The following FGFR2 variants were observed in gnomAD, a reference collection of about 807,000 sequenced individuals.
FGFR2 encodes the protein fibroblast growth factor receptor 2.
A neutral mutation model predicts 95.9 loss-of-function variants in FGFR2; 19 were observed. That is an observed-to-expected ratio of 0.20 (90% confidence interval 0.14 to 0.29). The LOEUF is 0.29. Among genes scored for constraint, FGFR2 ranks in the 10% least tolerant of loss-of-function variants. FGFR2 has a pLI of 1.00. For synonymous variants in FGFR2, 392 were observed against 393.3 expected (o/e 1.00, Z 0.04); for missense variants, 707 against 1,056.9 (o/e 0.67, Z 4.59).
chr10:121,525,930 T>C (rs1431091118), intron 6 of FGFR2, among the ~76,000 whole-genome samples: 2 of 152,084 alleles, frequency 1.3e-5, no homozygotes, highest in Admixed American at 6.5e-5. Flanking sequence ...CAGCTCACAC[T>C]GGTCTCCTGA....
intron 5 of FGFR2, among the ~76,000 whole-genome samples, chr10:121,541,879 A>AT (rs1449812049): frequency 4.6e-5 from 7 of 152,062 alleles, no homozygotes; most frequent in Non-Finnish European, 1.0e-4. Flanking sequence ...AGCAGCACAC[A>AT]TTTTTTTTGA....
chr10:121,495,204 G>C (rs1846625975), intron 13 of FGFR2, among the ~76,000 whole-genome samples: 2 of 152,084 alleles, frequency 1.3e-5, no homozygotes, highest in Non-Finnish European at 2.9e-5. Flanking sequence ...AGTCAAAACT[G>C]TGTTTAATTA....
At position 121,485,555 on chromosome 10, in the gene FGFR2, G is replaced by A. The variant is rs377581156; in HGVS notation, c.2058-23C>T. The A allele has an allele frequency of 2.5e-6, 4 of 1,614,018 alleles. No individual in the cohort carries two copies. Among genetic ancestry groups the A allele is most frequent in the Non-Finnish European group, 2.5e-6 (3 of 1,179,982 alleles). ...CAGCTGCAACAAAAGGAGAAAGCACGGCATTACTAACCCATCCACGTTGCC... is the reference window on the plus strand; with the variant it reads ...CAGCTGCAACAAAAGGAGAAAGCACAGCATTACTAACCCATCCACGTTGCC... On this transcript the variant is annotated intron_variant, in intron 15 of 17. Transcript: ENST00000358487. This position sits in a 1 kb window ranked among gnomAD's most constrained non-coding sequence, Gnocchi z 4.2.
intron 2 of FGFR2, among the ~76,000 whole-genome samples, chr10:121,580,587 C>T (rs572616186): frequency 2.6e-5 from 4 of 152,110 alleles, no homozygotes; most frequent in African/African-American, 7.2e-5. Flanking sequence ...TTCGGGTGGG[C>T]GGGACACGGT....
chr10:121,560,237 C>T (rs771968881), intron 4 of FGFR2, among the ~76,000 whole-genome samples: 4 of 152,220 alleles, frequency 2.6e-5, no homozygotes, highest in East Asian at 3.9e-4. Context: ...GTGGCATGGA[C>T]GGAACCAGCA....
chr10:121,572,158 G>GA lies in FGFR2; in HGVS notation c.110-6455dup, dbSNP rs71022844. Among the ~76,000 whole-genome samples the GA allele has an allele frequency of 2.6e-3, 279 of 105,826 alleles. 2 individuals are homozygous for GA. The highest frequency in any genetic ancestry group is 9.6e-3 in the African/African-American group (262 of 27,388). The allele number at this position is 105,826 out of a possible 152,430, so 69.4% of individuals were successfully genotyped here. On this transcript the variant is annotated intron_variant, in intron 2 of 17. Transcript: ENST00000358487. ...GTAAGATCCTCTCTCCACAAAAAAT[G>GA]AAAAAAAAAAAAAAAAAAAGCCGGG... is the stretch of plus-strand genomic sequence containing the variant.
At chr10:121,490,151 C>CTCCTTTTTTTTTTTTTTTTTTTTTTTTT (rs1564863307) in intron 13 of FGFR2, among the ~76,000 whole-genome samples, 1 of 134,678 alleles carries the variant, frequency 7.4e-6, no homozygotes, top group African/African-American at 2.7e-5. Flanking sequence ...ACGACTTTTC[C>CTCCTTTTTTTTTTTTTTTTTTTTTTTTT]TTCTTTTTTT....
rs2135091709 is a variant in FGFR2, at chr10:121,564,594, A to C, written c.377-15T>G. The C allele has an allele frequency of 3.7e-6, 6 of 1,612,088 alleles. No homozygotes were observed. The highest frequency in any genetic ancestry group is 5.1e-6 in the Non-Finnish European group (6 of 1,178,380). On this transcript the variant is annotated splice_polypyrimidine_tract_variant and intron_variant, in intron 3 of 17. Coordinates refer to ENST00000358487, the MANE Select transcript of FGFR2 (RefSeq NM_000141.5). ...TGAGATGGCATCTGTATGCAAAAGA[A>C]CATATTCCATGGATGTGTTTTTTGC...
At position 121,485,596 on chromosome 10, in the gene FGFR2, CCAGCT is replaced by C. The variant is rs1283571942; in HGVS notation, c.2058-69_2058-65del. ...CCACGTTGCCAAAACCTAAACACGC[CCAGCT>C]GAGACATAAACACCTCCTCACTTCT... On this transcript the variant is annotated intron_variant, in intron 15 of 17. Transcript: ENST00000358487. The surrounding 1 kb of genome is among the most constrained non-coding windows in gnomAD (Gnocchi z 4.2). 35 of 1,610,000 alleles carry C rather than the reference CCAGCT, an allele frequency of 2.2e-5. No individual in the cohort carries two copies. Among genetic ancestry groups the C allele is most frequent in the Admixed American group, 3.3e-5 (2 of 59,928 alleles).
chr10:121,548,411 G>C (rs1366122624), intron 5 of FGFR2, among the ~76,000 whole-genome samples: 1 of 151,890 alleles, frequency 6.6e-6, no homozygotes, highest in Non-Finnish European at 1.5e-5. Context: ...CAGGCTAAAG[G>C]CTTTCTGCTG....
In FGFR2 at chr10:121,479,994, C is replaced by T. The variant is rs374993905; in HGVS notation, c.2329G>A (p.Glu777Lys). ...EEYLDLSQPL[E>K]QYSPSYPDTR... Reference sequence around the variant, plus strand: ...TCAGGGTAACTAGGTGAATACTGTTCGAGAGGTTGGCTGAGGTCCAAGTAT... The same window carrying T: ...TCAGGGTAACTAGGTGAATACTGTTTGAGAGGTTGGCTGAGGTCCAAGTAT... Residue 777 changes from glutamate to lysine, a missense_variant, in exon 18 of 18, where the codon GAA (glutamate) becomes AAA (lysine). By Grantham distance (56) the Glu-to-Lys change is moderately conservative. This residue lies in a region of FGFR2 where 104 missense variants were observed against 214.2 expected (regional missense o/e 0.49). Transcript: ENST00000358487. 6 of 1,614,072 alleles carry T rather than the reference C, an allele frequency of 3.7e-6. No individual in the cohort carries two copies. Among genetic ancestry groups the T allele is most frequent in the South Asian group, 3.3e-5 (3 of 91,056 alleles).
At chr10:121,551,218 G>T (rs563357110) in intron 5 of FGFR2, 72 bp downstream of exon 5, 1 of 1,535,040 alleles carries the variant, frequency 6.5e-7, no homozygotes, top group Non-Finnish European at 8.9e-7. Flanking sequence ...AGACTCCATC[G>T]CAAAAAAAAA....
At chr10:121,533,061 C>A (rs768851958) in intron 6 of FGFR2, among the ~76,000 whole-genome samples, 2 of 152,132 alleles carry the variant, frequency 1.3e-5, no homozygotes, top group African/African-American at 4.8e-5. Context: ...TGAAGGGATG[C>A]GGACAGGCAG....
Position 121,485,604 on chromosome 10 carries a change from G to C in FGFR2, c.2058-72C>G, listed in dbSNP as rs2133803657. ...CCAAAACCTAAACACGCCCAGCTGA[G>C]ACATAAACACCTCCTCACTTCTGAA... On this transcript the variant is annotated intron_variant, in intron 15 of 17. Transcript: ENST00000358487. This position sits in a 1 kb window ranked among gnomAD's most constrained non-coding sequence, Gnocchi z 4.2. The C allele has an allele frequency of 6.2e-7, 1 of 1,601,386 alleles. No homozygotes were observed. Among genetic ancestry groups the C allele is most frequent in the Non-Finnish European group, 8.5e-7 (1 of 1,170,374 alleles).
intron 10 of FGFR2, among the ~76,000 whole-genome samples, chr10:121,502,612 A>G (rs904294669): frequency 1.2e-4 from 18 of 152,238 alleles, no homozygotes; most frequent in African/African-American, 4.3e-4. Flanking sequence ...TCTCTGGAAG[A>G]GCTTATCTTT....
rs1324703247 is a variant in FGFR2 at position 121,564,540 on chromosome 10, C to T, written c.416G>A (p.Gly139Asp). The T allele has an allele frequency of 6.2e-7, 1 of 1,614,026 alleles. No individual in the cohort carries two copies. ...GTTCTCACTGACAAAATCTTCCGCA[C>T]CATCGGTGTCATCCTCATCATCTCC... ...SSGDDEDDTD[G>D]AEDFVSENSN... The change falls in exon 4 of 18, where the codon GGT (glycine) becomes GAT (aspartate). Residue 139 changes from glycine to aspartate, a missense_variant. Around this residue, in one of 7 missense-constraint regions of FGFR2, gnomAD observed 178 missense variants for 194.1 expected, o/e 0.92. Transcript: ENST00000358487.
At chr10:121,547,864 G>A (rs537599452) in intron 5 of FGFR2, among the ~76,000 whole-genome samples, 31 of 152,326 alleles carry the variant, frequency 2.0e-4, no homozygotes, top group African/African-American at 7.5e-4. Flanking sequence ...GAGGCCCACA[G>A]GTGGGAATGA....
At position 121,569,552 on chromosome 10, in the gene FGFR2, G is replaced by C. The variant is rs138371162; in HGVS notation, c.110-3848C>G. ...TTGGATTGCTATCTCCAGATACAAA[G>C]TGATTTTACAGGAGTCCCATCTCAA... On this transcript the variant is annotated intron_variant, in intron 2 of 17. Transcript: ENST00000358487. 2.0e-3 allele frequency among the ~76,000 whole-genome samples: 301 copies of C among 152,320 alleles called. 2 individuals carry two copies. Among genetic ancestry groups the C allele is most frequent in the Non-Finnish European group, 3.4e-3 (232 of 68,034 alleles).
chr10:121,597,526 C>T (rs1241663912), intron 1 of FGFR2, among the ~76,000 whole-genome samples: 3 of 152,348 alleles, frequency 2.0e-5, no homozygotes, highest in African/African-American at 7.2e-5. Flanking sequence ...GGGGTCTCCG[C>T]AGGGCCTGGA....
Sources: allele counts gnomAD v4.1 joint callset (sites outside exome capture counted in the v4.1 genomes callset), GRCh38; gene constraint gnomAD v4.1.1; regional missense constraint gnomAD v4.1.1; non-coding constraint Gnocchi (gnomAD v3.1); transcripts MANE v1.5; gene names NCBI Gene and HGNC (gene_info 2026-07-23, HGNC 2026-07-21).